SULF2: variants seen among roughly 807,000 people sequenced by gnomAD.
SULF2 encodes extracellular sulfatase Sulf-2.
A neutral mutation model predicts 107.7 loss-of-function variants in SULF2; 52 were observed. The ratio of observed to expected loss-of-function variants is 0.48; its 90% CI spans 0.39 to 0.61. The LOEUF is 0.61. SULF2 is among the 20% of genes least tolerant of loss of function. The pLI is 0.00. For missense variants in SULF2, 993 were observed against 1,177.3 expected (o/e 0.84, Z 2.29); for synonymous variants, 460 against 464.3 (o/e 0.99, Z 0.12).
chr20:47,752,665 TGCTTAAGCTCA>T (rs2090184595), intron 2 of SULF2, among the ~76,000 whole-genome samples: 1 of 151,864 alleles, frequency 6.6e-6, no homozygotes, highest in East Asian at 1.9e-4. Flanking sequence ...GTAAGAGGAT[TGCTTAAGCTCA>T]GGAGGTCGAG....
Position 47,678,485 on chromosome 20 carries a change from T to A in SULF2, c.1193+191A>T, listed in dbSNP as rs542098904. ...CTGGTCACCTTGGCCACATTCCAGATGGGAAGACAGAATCTCGGAGAGGGG... is the reference window on the plus strand; with the variant it reads ...CTGGTCACCTTGGCCACATTCCAGAAGGGAAGACAGAATCTCGGAGAGGGG... On this transcript the variant is annotated intron_variant, in intron 8 of 20. Coordinates refer to ENST00000688720, the MANE Select transcript of SULF2 (RefSeq NM_001387048.1). The surrounding 1 kb of genome is among the most constrained non-coding windows in gnomAD (Gnocchi z 4.5). 12 of 613,872 alleles carry A rather than the reference T, an allele frequency of 2.0e-5. No homozygotes were observed. Among genetic ancestry groups the A allele is most frequent in the African/African-American group, 1.4e-4 (8 of 55,566 alleles). The allele number at this position is 613,872 out of a possible 1,614,324, so 38.0% of individuals were successfully genotyped here. A position where few individuals can be genotyped will look rare whatever the true frequency, so the allele number is the denominator to read the frequency against.
chr20:47,693,484 C>T (rs2088272629), intron 4 of SULF2, among the ~76,000 whole-genome samples: 1 of 152,244 alleles, frequency 6.6e-6, no homozygotes, highest in African/African-American at 2.4e-5. Context: ...TACCATTAAC[C>T]TCCATTCCTA....
intron 3 of SULF2, chr20:47,706,835 A>ATTCATCAGAGTGCAGTGTTGACT (rs1419952502): frequency 6.6e-6 from 1 of 152,172 alleles, no homozygotes; most frequent in Non-Finnish European, 1.5e-5. Flanking sequence ...CCTTCACCAG[A>ATTCATCAGAGTGCAGTGTTGACT]TTCATCAGAG....
At chr20:47,662,162 C>T (rs1385278458) in intron 17 of SULF2, among the ~76,000 whole-genome samples, 3 of 152,156 alleles carry the variant, frequency 2.0e-5, no homozygotes, top group Non-Finnish European at 4.4e-5. Flanking sequence ...TGGAGTTCTG[C>T]AGCCACTGGT....
intron 1 of SULF2, among the ~76,000 whole-genome samples, chr20:47,765,379 A>C (rs1486626330): frequency 6.6e-6 from 1 of 151,766 alleles, no homozygotes; most frequent in Non-Finnish European, 1.5e-5. Context: ...AACAAAAAAA[A>C]AAAAACAGGA....
intron 3 of SULF2, among the ~76,000 whole-genome samples, chr20:47,710,005 G>A (rs1002152958): frequency 8.6e-5 from 13 of 151,500 alleles, no homozygotes; most frequent in African/African-American, 1.7e-4. Flanking sequence ...GAGTTCAAGC[G>A]ATTCTCCCGC....
intron 1 of SULF2, among the ~76,000 whole-genome samples, chr20:47,769,752 A>AAG (rs1225742509): frequency 6.6e-6 from 1 of 152,216 alleles, no homozygotes; most frequent in Admixed American, 6.5e-5. Context: ...AACGTGTCCC[A>AAG]AGGAGATCAA....
chr20:47,688,181 G>A (rs1345906905), intron 5 of SULF2, among the ~76,000 whole-genome samples: 2 of 152,122 alleles, frequency 1.3e-5, no homozygotes, highest in Non-Finnish European at 2.9e-5. Context: ...CTAACAGAAA[G>A]ATCCAGTGCT....
In SULF2 at chr20:47,658,373, A is replaced by G. The variant is rs2086960845; in HGVS notation, c.2602T>C (p.Trp868Arg). 2 of 1,614,058 alleles carry G rather than the reference A, an allele frequency of 1.2e-6. No individual in the cohort carries two copies. Among genetic ancestry groups the G allele is most frequent in the African/African-American group, 2.7e-5 (2 of 74,928 alleles). Residue 868 changes from tryptophan (W) to arginine (R), a missense_variant, in exon 21 of 21, where the codon TGG (tryptophan) becomes CGG (arginine). This residue lies in a region of SULF2 where 497 missense variants were observed against 544.1 expected (regional missense o/e 0.91). Coordinates refer to ENST00000688720, the MANE Select transcript of SULF2 (RefSeq NM_001387048.1). ...ACCTCTGTTGTTTCTTAACCTTCCC[A>G]GCCTTCCCACAGTTGTCCCCTAAAG... The part of the protein sequence containing the change: ...SKSLGQLWEG[W>R]EG
chr20:47,698,203 G>A (rs766521297), intron 4 of SULF2, among the ~76,000 whole-genome samples: 17 of 152,198 alleles, frequency 1.1e-4, no homozygotes, highest in Non-Finnish European at 2.5e-4. Flanking sequence ...TTTTTTGGCC[G>A]TTGAGCACCT....
intron 2 of SULF2, among the ~76,000 whole-genome samples, chr20:47,751,086 G>GA (rs1463667185): frequency 6.6e-6 from 1 of 152,166 alleles, no homozygotes; most frequent in African/African-American, 2.4e-5. Context: ...TCTTGCATTA[G>GA]AATGTAAGCT....
At chr20:47,757,130 C>T (rs2090309960) in intron 2 of SULF2, 59 bp downstream of exon 2, 14 of 1,458,528 alleles carry the variant, frequency 9.6e-6, no homozygotes, top group Non-Finnish European at 1.1e-5. Context: ...GAGCCTCAGC[C>T]TAACCCAGGG....
At chr20:47,776,582 G>A (rs2090729370) in intron 1 of SULF2, among the ~76,000 whole-genome samples, 1 of 152,212 alleles carries the variant, frequency 6.6e-6, no homozygotes, top group Admixed American at 6.5e-5. Context: ...GGACAATTTA[G>A]GGAAGGGAGT....
intron 10 of SULF2, among the ~76,000 whole-genome samples, chr20:47,674,874 T>C (rs1008670393): frequency 1.3e-5 from 2 of 152,106 alleles, no homozygotes; most frequent in African/African-American, 4.8e-5. Context: ...AGCAGGGCCG[T>C]TGCCTGGGAT....
chr20:47,753,267 T>G (rs1359232043), intron 2 of SULF2, among the ~76,000 whole-genome samples: 1 of 152,170 alleles, frequency 6.6e-6, no homozygotes, highest in Non-Finnish European at 1.5e-5. Flanking sequence ...GCTCTGATAT[T>G]CTGGGGTTTG....
chr20:47,726,182 A>G (rs1277101785), intron 3 of SULF2, among the ~76,000 whole-genome samples: 2 of 152,086 alleles, frequency 1.3e-5, no homozygotes, highest in South Asian at 4.2e-4. Context: ...CCCACTCCCA[A>G]AAGATTTTGT....
At position 47,736,843 on chromosome 20, in the gene SULF2, C is replaced by A. The variant is rs991673061; in HGVS notation, c.275G>T (p.Arg92Leu). 2 of 1,614,084 alleles carry A rather than the reference C, an allele frequency of 1.2e-6. No homozygotes were observed. The highest frequency in any genetic ancestry group is 3.3e-5 in the Admixed American group (2 of 60,012). The stretch of plus-strand genomic sequence containing the variant: ...GTACTTGCCAGTGAGGATGGAGGAG[C>A]GTGAGGGGCAGCACATGGGTGTGGT... ...FVTTPMCCPS[R>L]SSILTGKYVH... Residue 92 changes from arginine (R) to leucine (L), a missense_variant, in exon 3 of 21, where the codon CGC becomes CTC. By Grantham distance (102) the Arg-to-Leu change is moderately radical (BLOSUM62 -2). Transcript: ENST00000688720.
intron 3 of SULF2, among the ~76,000 whole-genome samples, chr20:47,718,451 GAAAAAATTAAAGCAGC>G (rs2089190169): frequency 1.3e-5 from 2 of 152,094 alleles, no homozygotes; most frequent in Non-Finnish European, 2.9e-5. Context: ...GAACAAAACA[GAAAAAATTAAAGCAGC>G]AAAAAACCTG....
chr20:47,775,375 C>T (rs2146983300), intron 1 of SULF2, among the ~76,000 whole-genome samples: 1 of 152,304 alleles, frequency 6.6e-6, no homozygotes, highest in African/African-American at 2.4e-5. Context: ...AGCTGCCAGC[C>T]ATTTGAATGG....
Sources: allele counts gnomAD v4.1 joint callset (sites outside exome capture counted in the v4.1 genomes callset), GRCh38; gene constraint gnomAD v4.1.1; regional missense constraint gnomAD v4.1.1; non-coding constraint Gnocchi (gnomAD v3.1); transcripts MANE v1.5; gene names NCBI Gene and HGNC (gene_info 2026-07-23, HGNC 2026-07-21).